ADCY9: variants seen among roughly 807,000 people sequenced by gnomAD.
The protein encoded by ADCY9 is adenylate cyclase type 9.
A neutral mutation model predicts 101.5 loss-of-function variants in ADCY9; 50 were observed. The ratio of observed to expected loss-of-function variants is 0.49; its 90% CI spans 0.39 to 0.62. The LOEUF (loss-of-function observed/expected upper bound fraction) is 0.62. Ranked by LOEUF, ADCY9 falls within the 20% of genes least tolerant of loss-of-function variation. The probability of loss-of-function intolerance (pLI) is 0.00; values close to 1 mark genes in which losing one functional copy is unlikely to be tolerated. For synonymous variants in ADCY9, 905 were observed against 769.3 expected, an observed-to-expected ratio of 1.18 and a Z score of -2.92; for missense variants, 1,662 against 1,800.4, an observed-to-expected ratio of 0.92 and a Z score of 1.39.
intron 7 of ADCY9, among the ~76,000 whole-genome samples, chr16:3,980,385 G>T (rs564355136): frequency 1.3e-5 from 2 of 152,364 alleles, no homozygotes; most frequent in South Asian, 4.1e-4. Flanking sequence ...GGGCCATGGT[G>T]GGGCCACATG....
chr16:3,986,496 C>A (rs2056194350), intron 6 of ADCY9, among the ~76,000 whole-genome samples: 1 of 152,162 alleles, frequency 6.6e-6, no homozygotes, highest in Non-Finnish European at 1.5e-5. Context: ...CTTGCCCAGG[C>A]CGGAGTGCAA....
At chr16:4,103,673 G>C (rs910066799) in intron 2 of ADCY9, among the ~76,000 whole-genome samples, 2 of 152,084 alleles carry the variant, frequency 1.3e-5, no homozygotes, top group Non-Finnish European at 2.9e-5. Flanking sequence ...CTACCATAAA[G>C]ACAAAAATTA....
intron 2 of ADCY9, among the ~76,000 whole-genome samples, chr16:4,057,051 C>G (rs770637575): frequency 1.5e-5 from 2 of 132,116 alleles, no homozygotes; most frequent in African/African-American, 5.7e-5. Flanking sequence ...CCCCCCCCCC[C>G]CGCCAATCTT....
At chr16:3,967,708 T>C (rs2141672498) in intron 10 of ADCY9, among the ~76,000 whole-genome samples, 1 of 150,966 alleles carries the variant, frequency 6.6e-6, no homozygotes, top group South Asian at 2.1e-4. Flanking sequence ...TTTTTTTTTT[T>C]TTTTTTTAAG....
intron 3 of ADCY9, among the ~76,000 whole-genome samples, chr16:4,004,559 C>T (rs2056354399): frequency 2.6e-5 from 4 of 152,166 alleles, no homozygotes; most frequent in East Asian, 1.9e-4. Flanking sequence ...AGAGCTGCAT[C>T]GCTCCATGTG....
chr16:4,057,467 A>G (rs1422539372), intron 2 of ADCY9, among the ~76,000 whole-genome samples: 1 of 152,054 alleles, frequency 6.6e-6, no homozygotes, highest in Non-Finnish European at 1.5e-5. Context: ...CAGTGACACC[A>G]TCATCCTGGC....
At chr16:4,111,939 G>A (rs985410609) in intron 2 of ADCY9, among the ~76,000 whole-genome samples, 9 of 150,860 alleles carry the variant, frequency 6.0e-5, no homozygotes, top group Non-Finnish European at 8.8e-5. Flanking sequence ...GGTATTCAAT[G>A]ACTTGGCAAT....
At chr16:3,973,705 C>T (rs2056071141) in intron 10 of ADCY9, among the ~76,000 whole-genome samples, 1 of 152,114 alleles carries the variant, frequency 6.6e-6, no homozygotes, top group Non-Finnish European at 1.5e-5. Flanking sequence ...GTTGCCCAGG[C>T]TGGTCTAGAA....
chr16:3,956,479 C>T (rs1033075080), intron 5 of ADCY9, among the ~76,000 whole-genome samples: 7 of 45,346 alleles, frequency 1.5e-4, no homozygotes, highest in Non-Finnish European at 2.4e-4. Flanking sequence ...AAGACACCAG[C>T]GCAATGAGCT....
At chr16:4,041,739 T>A (rs114610140) in intron 2 of ADCY9, among the ~76,000 whole-genome samples, 4,730 of 150,936 alleles carry the variant, frequency 0.031, 271 homozygotes, top group African/African-American at 0.11. Flanking sequence ...TTGTTTTTAT[T>A]TATCTGATTT....
intron 2 of ADCY9, among the ~76,000 whole-genome samples, chr16:4,103,793 T>C (rs1330520782): frequency 6.6e-6 from 1 of 151,840 alleles, no homozygotes; most frequent in African/African-American, 2.4e-5. Context: ...ATCACACCAC[T>C]GCACTCCAGC....
At chr16:3,974,764 C>G in intron 9 of ADCY9, 54 bp from the exon 10 acceptor site, 1 of 1,438,462 alleles carries the variant, frequency 7.0e-7, no homozygotes, top group East Asian at 2.3e-5. Flanking sequence ...AGGCATTCCA[C>G]AAGGCAACCT....
intron 10 of ADCY9, among the ~76,000 whole-genome samples, chr16:3,967,347 T>C (rs1429033304): frequency 1.4e-5 from 2 of 146,798 alleles, no homozygotes; most frequent in Non-Finnish European, 3.0e-5. Context: ...TTTTTCTTTT[T>C]CTTTTTTTTT....
intron 2 of ADCY9, among the ~76,000 whole-genome samples, chr16:4,066,294 C>G (rs559828348): frequency 6.6e-6 from 1 of 152,284 alleles, no homozygotes; most frequent in African/African-American, 2.4e-5. Context: ...ACTTATTTTT[C>G]TCATTTTGAT....
chr16:4,081,576 C>T (rs1567140613), intron 2 of ADCY9, among the ~76,000 whole-genome samples: 1 of 152,224 alleles, frequency 6.6e-6, no homozygotes, highest in East Asian at 1.9e-4. Context: ...ACAGTCATAG[C>T]CCAGCTCGAA....
chr16:4,055,233 T>G (rs2056729817), intron 2 of ADCY9, among the ~76,000 whole-genome samples: 1 of 152,130 alleles, frequency 6.6e-6, no homozygotes, highest in Non-Finnish European at 1.5e-5. Context: ...TGAAAAAGCC[T>G]TTTTAGATGT....
chr16:4,056,834 G>C (rs547321207), intron 2 of ADCY9, among the ~76,000 whole-genome samples: 13 of 152,246 alleles, frequency 8.5e-5, no homozygotes, highest in African/African-American at 3.1e-4. Context: ...ATTATCTCTG[G>C]TTGACAAGGC....
At chr16:4,000,662 C>A (rs1037048616) in intron 3 of ADCY9, among the ~76,000 whole-genome samples, 2 of 151,998 alleles carry the variant, frequency 1.3e-5, no homozygotes, top group Non-Finnish European at 2.9e-5. Context: ...AAAACTCACA[C>A]ACACAATCTC....
intron 2 of ADCY9, among the ~76,000 whole-genome samples, chr16:4,012,875 C>T (rs898509706): frequency 6.6e-6 from 1 of 152,052 alleles, no homozygotes. Context: ...CTCATTTGTC[C>T]CAGTCTCTTT....
Sources: allele counts gnomAD v4.1 joint callset (sites outside exome capture counted in the v4.1 genomes callset), GRCh38; gene constraint gnomAD v4.1.1; transcripts MANE v1.5; gene names NCBI Gene and HGNC (gene_info 2026-07-23, HGNC 2026-07-21).